Variants in SDK1 observed in about 807,000 individuals in gnomAD.
SDK1 encodes the protein protein sidekick-1.
In SDK1, 157 loss-of-function variants were observed where a neutral mutation model predicts 245.5. The observed-to-expected ratio is 0.64, with a 90% confidence interval of 0.56 to 0.73. The LOEUF (loss-of-function observed/expected upper bound fraction) is 0.73, where lower values mean the gene tolerates loss of function less well. SDK1 is among the 30% of genes least tolerant of loss of function. The pLI is 0.00. For missense variants in SDK1, 3,583 were observed against 3,002.3 expected (o/e 1.19, Z -4.52); for synonymous variants, 1,647 against 1,278.5 (o/e 1.29, Z -6.15).
chr7:3,824,209 A>T (rs1313306431), intron 5 of SDK1, among the ~76,000 whole-genome samples: 3 of 152,138 alleles, frequency 2.0e-5, no homozygotes, highest in Non-Finnish European at 4.4e-5. Flanking sequence ...ACCTATTGAT[A>T]CTGGGAGTAA....
intron 1 of SDK1, among the ~76,000 whole-genome samples, chr7:3,447,197 A>C (rs1019965414): frequency 6.6e-6 from 1 of 152,208 alleles, no homozygotes; most frequent in South Asian, 2.1e-4. Flanking sequence ...ATTAACCTAT[A>C]TTAGAGGAGA....
intron 19 of SDK1, among the ~76,000 whole-genome samples, chr7:4,057,569 TG>T (rs999800861): frequency 4.6e-5 from 7 of 151,770 alleles, no homozygotes; most frequent in African/African-American, 1.7e-4. Flanking sequence ...CCCACCTGCT[TG>T]GCCCCCTGCA....
chr7:4,160,067 C>G (rs1034392660), intron 31 of SDK1, among the ~76,000 whole-genome samples: 2 of 152,232 alleles, frequency 1.3e-5, no homozygotes, highest in African/African-American at 4.8e-5. Flanking sequence ...GAGGCAAAAG[C>G]TACTTGTAAC....
chr7:3,949,095 A>T (rs1399123621), intron 5 of SDK1, among the ~76,000 whole-genome samples: 2 of 152,084 alleles, frequency 1.3e-5, no homozygotes, highest in African/African-American at 4.8e-5. Context: ...CCAGCCCAGG[A>T]ATGTTGGCAA....
At chr7:4,008,277 C>G (rs1019741583) in intron 14 of SDK1, among the ~76,000 whole-genome samples, 1 of 152,214 alleles carries the variant, frequency 6.6e-6, no homozygotes, top group South Asian at 2.1e-4. Context: ...ATTTGTTTAC[C>G]CATTCATCCA....
chr7:3,818,472 A>G (rs151141794), intron 4 of SDK1, among the ~76,000 whole-genome samples: 1 of 152,356 alleles, frequency 6.6e-6, no homozygotes, highest in East Asian at 1.9e-4. Flanking sequence ...AATGGCCTGT[A>G]ATTGTACCAC....
intron 1 of SDK1, among the ~76,000 whole-genome samples, chr7:3,512,906 A>C (rs970304803): frequency 6.6e-6 from 1 of 152,108 alleles, no homozygotes; most frequent in Admixed American, 6.6e-5. Context: ...GAGATTTGAC[A>C]TTCACCTATT....
chr7:3,376,217 C>T (rs1397072705), intron 1 of SDK1, among the ~76,000 whole-genome samples: 1 of 152,070 alleles, frequency 6.6e-6, no homozygotes, highest in Non-Finnish European at 1.5e-5. Context: ...AAGAAAATCT[C>T]AGATGGATCA....
chr7:3,897,088 G>C (rs984333214), intron 5 of SDK1, among the ~76,000 whole-genome samples: 14 of 152,078 alleles, frequency 9.2e-5, no homozygotes, highest in Non-Finnish European at 1.5e-4. Flanking sequence ...AGCAGCAAGA[G>C]GGAAATTCAC....
intron 1 of SDK1, among the ~76,000 whole-genome samples, chr7:3,371,353 A>G (rs990665327): frequency 1.3e-5 from 2 of 152,162 alleles, no homozygotes; most frequent in Admixed American, 6.5e-5. Flanking sequence ...AAAAATTTCC[A>G]GGATGCAGGG....
rs142033304 is a variant in SDK1, at chr7:3,811,374, T to C, written c.714-10076T>C. Among the ~76,000 whole-genome samples the C allele has an allele frequency of 3.1e-3, 474 of 152,300 alleles. 5 individuals are homozygous for C. Among genetic ancestry groups the C allele is most frequent in the African/African-American group, 0.01 (425 of 41,564 alleles). On this transcript the variant is annotated intron_variant, in intron 4 of 44. Coordinates refer to ENST00000404826, the MANE Select transcript of SDK1 (RefSeq NM_152744.4). ...GTGTCATTGATGGTGTTACTTCCTG[T>C]CAACTGTGATCATCTTGTTCTGGTA...
intron 44 of SDK1, among the ~76,000 whole-genome samples, chr7:4,253,620 G>A (rs1216362196): frequency 6.6e-6 from 1 of 152,100 alleles, no homozygotes; most frequent in Non-Finnish European, 1.5e-5. Context: ...GTTTTGGGGT[G>A]GAGTGTTCTG....
In SDK1 at chr7:4,194,442, A is replaced by G. The variant is rs564942343; in HGVS notation, c.5099-11437A>G. On this transcript the variant is annotated intron_variant, in intron 35 of 44. Transcript: ENST00000404826. ...TATACATGTATACGTATATACATAT[A>G]TGTATACATGTATATATGTGTGTGT... is the stretch of plus-strand genomic sequence containing the variant. Among the ~76,000 whole-genome samples, 10 of 119,422 alleles carry G rather than the reference A, an allele frequency of 8.4e-5. 1 individual carries two copies. The highest frequency in any genetic ancestry group is 6.2e-4 in the East Asian group (3 of 4,862). 78.3% of individuals were successfully genotyped at this position (119,422 alleles called of 152,430 possible).
At chr7:4,010,097 G>A (rs1026276725) in intron 14 of SDK1, among the ~76,000 whole-genome samples, 5 of 152,180 alleles carry the variant, frequency 3.3e-5, no homozygotes, top group African/African-American at 4.8e-5. Context: ...GAGACAGCTC[G>A]ATTTCCAGAA....
At position 3,772,010 on chromosome 7, in the gene SDK1, A is replaced by G. The variant is rs139541514; in HGVS notation, c.714-49440A>G. 4.5e-3 allele frequency among the ~76,000 whole-genome samples: 685 copies of G among 152,244 alleles called. 8 individuals are homozygous for G. Among genetic ancestry groups the G allele is most frequent in the African/African-American group, 0.016 (665 of 41,544 alleles). Reference sequence around the variant, plus strand: ...CTTCATATAAATGGGATCATACAGTATTTCTCATTTTGTGACTGGCTTCTT... The same window carrying G: ...CTTCATATAAATGGGATCATACAGTGTTTCTCATTTTGTGACTGGCTTCTT... On this transcript the variant is annotated intron_variant, in intron 4 of 44. Transcript: ENST00000404826.
chr7:4,237,813 C>T (rs372571395), intron 42 of SDK1, 29 bp downstream of exon 42: 14 of 1,612,450 alleles, frequency 8.7e-6, no homozygotes, highest in African/African-American at 4.0e-5. Context: ...CCTCGCGTGT[C>T]CCACGATGCC....
chr7:3,473,764 G>C (rs940416077), intron 1 of SDK1, among the ~76,000 whole-genome samples: 1 of 152,072 alleles, frequency 6.6e-6, no homozygotes, highest in African/African-American at 2.4e-5. Context: ...TCCCACAGTA[G>C]GTTAATATGT....
intron 5 of SDK1, among the ~76,000 whole-genome samples, chr7:3,892,463 G>T (rs945677301): frequency 6.6e-6 from 1 of 152,168 alleles, no homozygotes; most frequent in Non-Finnish European, 1.5e-5. Context: ...GCTGGGACCT[G>T]GCAGCCGTCC....
intron 4 of SDK1, among the ~76,000 whole-genome samples, chr7:3,783,689 G>A (rs1780818418): frequency 6.6e-6 from 1 of 152,094 alleles, no homozygotes; most frequent in African/African-American, 2.4e-5. Flanking sequence ...ACTAGAAAAT[G>A]TTGATAAAAA....
Sources: allele counts gnomAD v4.1 joint callset (sites outside exome capture counted in the v4.1 genomes callset), GRCh38; gene constraint gnomAD v4.1.1; transcripts MANE v1.5; gene names NCBI Gene and HGNC (gene_info 2026-07-23, HGNC 2026-07-21).